Variants in PIEZO1 observed in about 807,000 individuals in gnomAD.
PIEZO1 encodes the protein piezo type mechanosensitive ion channel component 1 (Er blood group), also known as piezo-type mechanosensitive ion channel component 1.
Under a neutral mutation model 297.2 loss-of-function variants are expected in PIEZO1, and 296 were observed. The ratio of observed to expected loss-of-function variants is 1.00; its 90% CI spans 0.91 to 1.10. The LOEUF is 1.10. Ranked by LOEUF, PIEZO1 falls within the 50% of genes least tolerant of loss-of-function variation. The pLI is 0.00. For missense variants in PIEZO1, 5,018 were observed against 3,455.5 expected (o/e 1.45, Z -11.34); for synonymous variants, 2,427 against 1,507.5 (o/e 1.61, Z -14.13).
chr16:88,766,400 G>A (rs537269386), intron 1 of PIEZO1, among the ~76,000 whole-genome samples: 121 of 152,296 alleles, frequency 7.9e-4, no homozygotes, highest in Middle Eastern at 3.4e-3. Context: ...CCCCACAATC[G>A]CGTGCGTCAG....
rs541797000 is a variant in PIEZO1 at position 88,730,190 on chromosome 16, C to A, written c.3196+1516G>T. Among the ~76,000 whole-genome samples, 397 of 152,378 alleles carry A rather than the reference C, an allele frequency of 2.6e-3. 3 individuals carry two copies. The highest frequency in any genetic ancestry group is 4.4e-3 in the Non-Finnish European group (299 of 68,046). ...GCACACCCAGCGCCCAGACCCCGGG[C>A]TCTAAACCTCACGCTCCTAGAACTC... On this transcript the variant is annotated intron_variant, in intron 22 of 50. Transcript: ENST00000301015.
In PIEZO1 at chr16:88,733,707, C is replaced by T. The variant is rs773008263; in HGVS notation, c.2368G>A (p.Glu790Lys). The stretch of plus-strand genomic sequence containing the variant: ...ACGTCCGAGAAGCCGGCTGCCAGCT[C>T]CAGCAGCCGCTCAGCCACCAGGCCC... ...KWGLVAERLL[E>K]LAAGFSDVLS... Residue 790 changes from glutamate to lysine, a missense_variant, in exon 18 of 51, where the codon GAG becomes AAG. Glu to Lys is a moderately conservative substitution (Grantham distance 56, BLOSUM62 1). Coordinates refer to ENST00000301015, the MANE Select transcript of PIEZO1 (RefSeq NM_001142864.4). 7 of 1,548,598 alleles carry T rather than the reference C, an allele frequency of 4.5e-6. No individual in the cohort carries two copies. In the South Asian group the frequency reaches 7.2e-5, roughly 16 times the overall value.
chr16:88,717,103 T>TGAAGAGCAGTGGGAACCAGATGA lies in PIEZO1; in HGVS notation c.6557_6579dup (p.Met2194SerfsTer29). On this transcript the variant is annotated frameshift_variant, in exon 45 of 51. Transcript: ENST00000301015. LOFTEE classifies it high-confidence loss of function. ...CCAACCACGGAGCGCACCAGCGACA[T>TGAAGAGCAGTGGGAACCAGATGA]GAAGAGCAGTGGGAACCAGATGATG... is the stretch of plus-strand genomic sequence containing the variant. The TGAAGAGCAGTGGGAACCAGATGA allele has an allele frequency of 6.4e-7, 1 of 1,551,256 alleles. No individual in the cohort carries two copies. Among genetic ancestry groups the TGAAGAGCAGTGGGAACCAGATGA allele is most frequent in the South Asian group, 1.2e-5 (1 of 84,062 alleles).
rs1431610812 is a variant in PIEZO1 at position 88,774,385 on chromosome 16, T to C, written c.64+10516A>G. On this transcript the variant is annotated intron_variant, in intron 1 of 50. Coordinates refer to ENST00000301015, the MANE Select transcript of PIEZO1 (RefSeq NM_001142864.4). ...CAGCTTGGGCGACAGAGCGAGACTC[T>C]GTCTCGATAAGTAAATAAATAAAAA... Among the ~76,000 whole-genome samples the C allele has an allele frequency of 4.6e-5, 7 of 152,356 alleles. No individual in the cohort carries two copies. The East Asian group carries it at 1.3e-3, about 29-fold the overall frequency.
intron 10 of PIEZO1, 113 bp from the exon 11 acceptor site, chr16:88,736,852 C>A (rs1260186224): frequency 3.1e-6 from 2 of 643,732 alleles, no homozygotes; most frequent in African/African-American, 1.9e-5. Context: ...AGACAGGCCC[C>A]CGGTGGGCTA....
chr16:88,770,195 C>T (rs1283019378), intron 1 of PIEZO1, among the ~76,000 whole-genome samples: 2 of 152,196 alleles, frequency 1.3e-5, no homozygotes, highest in Admixed American at 1.3e-4. Flanking sequence ...CAGAACCTGC[C>T]AAAGCCAGAG....
chr16:88,754,155 G>C (rs142378260), intron 1 of PIEZO1, among the ~76,000 whole-genome samples: 30 of 152,282 alleles, frequency 2.0e-4, no homozygotes, highest in African/African-American at 6.3e-4. Context: ...GGGAAGCAGA[G>C]AGCCCAGCCA....
intron 1 of PIEZO1, among the ~76,000 whole-genome samples, chr16:88,757,516 G>A (rs1488359123): frequency 1.6e-5 from 2 of 124,898 alleles, no homozygotes; most frequent in South Asian, 3.0e-4. Flanking sequence ...GGGCCAAGAC[G>A]GGGGAAAGAG....
chr16:88,734,706 G>C lies in PIEZO1; in HGVS notation c.1941C>G (p.Phe647Leu). Residue 647 changes from phenylalanine (F) to leucine (L), a missense_variant, in exon 15 of 51, where the codon TTC becomes TTG. Physicochemically the swap from Phe to Leu is conservative, Grantham distance 22. Transcript: ENST00000301015. Reference protein sequence around the residue: ...TMLVLIAVYTFQFQDFPAYWR... With the variant: ...TMLVLIAVYTLQFQDFPAYWR... ...AGTAGGCAGGGAAGTCCTGGAACTG[G>C]AAGGTGTAGACGGCGATGAGGACCA... 1 of 1,550,382 alleles carries C rather than the reference G, an allele frequency of 6.5e-7. No homozygotes were observed. Among genetic ancestry groups the C allele is most frequent in the Non-Finnish European group, 8.7e-7 (1 of 1,146,952 alleles).
Position 88,734,399 on chromosome 16 carries a change from G to T in PIEZO1, c.2137C>A (p.His713Asn). 6.5e-7 allele frequency: 1 copy of T among 1,548,762 alleles called. No individual in the cohort carries two copies. The highest frequency in any genetic ancestry group is 1.2e-5 in the South Asian group (1 of 83,960). ...RPFMQLTDME[H>N]VSLPGTRLPR... ...AGGCGCGTGCCAGGCAGGGACACGT[G>T]CTCCATGTCGGTGAGCTGCATGAAG... The change falls in exon 16 of 51, where the codon CAC becomes AAC. Residue 713 changes from histidine (H) to asparagine (N), a missense_variant. By Grantham distance (68) the His-to-Asn change is moderately conservative. Coordinates refer to ENST00000301015, the MANE Select transcript of PIEZO1 (RefSeq NM_001142864.4).
chr16:88,723,031 C>G, intron 33 of PIEZO1, 22 bp from the exon 34 acceptor site: 1 of 1,543,094 alleles, frequency 6.5e-7, no homozygotes, highest in Non-Finnish European at 8.7e-7. Context: ...CGGGAGGGGG[C>G]GCTGGAGGGG....
intron 19 of PIEZO1, 88 bp from the exon 20 acceptor site, chr16:88,732,820 G>T: frequency 7.5e-7 from 1 of 1,331,904 alleles, no homozygotes; most frequent in Non-Finnish European, 1.0e-6. Flanking sequence ...CAGCTCTGGG[G>T]CAGGTCCACT....
intron 1 of PIEZO1, 109 bp downstream of exon 1, chr16:88,784,792 C>G: frequency 1.3e-6 from 1 of 780,830 alleles, no homozygotes; most frequent in Non-Finnish European, 1.8e-6. Context: ...AATTTCCGCG[C>G]CCGCTCGCCC....
intron 12 of PIEZO1, 131 bp downstream of exon 12, chr16:88,736,017 A>G (rs555020632): frequency 2.7e-5 from 24 of 905,642 alleles, no homozygotes; most frequent in Non-Finnish European, 3.9e-5. Context: ...CTGGGTGGGC[A>G]GAAGGGGACA....
chr16:88,736,838 G>T (rs989024439), intron 10 of PIEZO1, 99 bp from the exon 11 acceptor site: 1 of 701,742 alleles, frequency 1.4e-6, no homozygotes, highest in Non-Finnish European at 2.3e-6. Flanking sequence ...GCACACAGCA[G>T]GAGAGACAGG....
At position 88,719,588 on chromosome 16, in the gene PIEZO1, G is replaced by T; in HGVS notation, c.6457C>A (p.Arg2153=). The T allele has an allele frequency of 3.2e-6, 5 of 1,550,824 alleles. No individual in the cohort carries two copies. The highest frequency in any genetic ancestry group is 3.5e-6 in the Non-Finnish European group (4 of 1,147,072). Residue 2153 remains arginine (R), a synonymous_variant, in exon 44 of 51, where the codon CGA becomes AGA. Coordinates refer to ENST00000301015, the MANE Select transcript of PIEZO1 (RefSeq NM_001142864.4). ...YANIFIIKCS[R]ETEKKYPQPK... The stretch of plus-strand genomic sequence containing the variant: ...GGCCCAGGCACCTTCTCTGTCTCTC[G>T]GCTGCATTTGATGATGAAGATGTTG...
rs1597444876 is a variant in PIEZO1, at chr16:88,721,524, A to C, written c.5403+14T>G. On this transcript the variant is annotated intron_variant, in intron 38 of 50. Transcript: ENST00000301015. Reference sequence around the variant, plus strand: ...CTGCCCAGCCCCGCATTGCCAGCCAAGGCTCACACTCACCAGCAGCTGGGA... The same window carrying C: ...CTGCCCAGCCCCGCATTGCCAGCCACGGCTCACACTCACCAGCAGCTGGGA... 2.6e-6 allele frequency: 4 copies of C among 1,543,804 alleles called. No homozygotes were observed. Among genetic ancestry groups the C allele is most frequent in the African/African-American group, 1.4e-5 (1 of 72,992 alleles).
At chr16:88,748,970 G>A (rs1217309526) in intron 2 of PIEZO1, among the ~76,000 whole-genome samples, 2 of 144,782 alleles carry the variant, frequency 1.4e-5, no homozygotes, top group Non-Finnish European at 3.0e-5. Context: ...GGGCGCGGTG[G>A]CTCACGTCTG....
In PIEZO1 at chr16:88,727,125, C is replaced by A. The variant is rs1904504689; in HGVS notation, c.3369G>T (p.Glu1123Asp). The part of the protein sequence containing the change: ...WQVFSAERTE[E>D]WQRMAGVNTD... ...TGTTGACGCCAGCCATGCGCTGCCA[C>A]TCCTCTGTGCGCTCAGCTGAGAACA... The change falls in exon 24 of 51, where the codon GAG (glutamate) becomes GAT (aspartate). Residue 1123 changes from glutamate (E) to aspartate (D), a missense_variant. Transcript: ENST00000301015. The A allele has an allele frequency of 6.5e-7, 1 of 1,549,878 alleles. No homozygotes were observed. Among genetic ancestry groups the A allele is most frequent in the Non-Finnish European group, 8.7e-7 (1 of 1,146,742 alleles).
Sources: allele counts gnomAD v4.1 joint callset (sites outside exome capture counted in the v4.1 genomes callset), GRCh38; gene constraint gnomAD v4.1.1; transcripts MANE v1.5; gene names NCBI Gene and HGNC (gene_info 2026-07-23, HGNC 2026-07-21).